The following MKRN3 variants were observed in gnomAD, a reference collection of about 807,000 sequenced individuals.
MKRN3 encodes makorin ring finger protein 3.
For synonymous variants in MKRN3, 301 were observed against 250.2 expected (o/e 1.20, Z -1.91); for missense variants, 749 against 667.0 (o/e 1.12, Z -1.35).
chr15:23,566,124 C>G lies in MKRN3; in HGVS notation c.342C>G (p.Asn114Lys). 2 of 1,614,200 alleles carry G rather than the reference C, an allele frequency of 1.2e-6. No individual in the cohort carries two copies. Among genetic ancestry groups the G allele is most frequent in the Non-Finnish European group, 1.7e-6 (2 of 1,180,032 alleles). Reference protein sequence around the residue: ...YIHGQCKEGENCRYSHDLSGR... With the variant: ...YIHGQCKEGEKCRYSHDLSGR... ...ATGGGCAGTGCAAGGAGGGGGAGAA[C>G]TGTCGCTATTCGCACGACCTTTCTG... The change falls in exon 1 of 1, where the codon AAC (asparagine) becomes AAG (lysine). Residue 114 changes from asparagine to lysine, a missense_variant. Coordinates refer to ENST00000314520, the MANE Select transcript of MKRN3 (RefSeq NM_005664.4).
rs1156853837 is a variant in MKRN3, at chr15:23,567,471, G to T, written c.*165G>T. ...CCCCCTAGGATTATGGTGATTATCT[G>T]TGTTAAAAAATAAGTCCTTAAAGTT... On this transcript the variant is annotated 3_prime_UTR_variant, in exon 1 of 1. Transcript: ENST00000314520. 56 of 1,441,188 alleles carry T rather than the reference G, an allele frequency of 3.9e-5. No individual in the cohort carries two copies. The highest frequency in any genetic ancestry group is 6.0e-5 in the Admixed American group (2 of 33,262). The allele number at this position is 1,441,188 out of a possible 1,614,324, so 89.3% of individuals were successfully genotyped here.
At position 23,567,556 on chromosome 15, in the gene MKRN3, G is replaced by A. The variant is rs746494082; in HGVS notation, c.*250G>A. On this transcript the variant is annotated 3_prime_UTR_variant, in exon 1 of 1. Coordinates refer to ENST00000314520, the MANE Select transcript of MKRN3 (RefSeq NM_005664.4). ...ATGGCTTTTTTTTGTCATCTCTGTT[G>A]TCAACAGGATTAACTCAGTTCTAGT... is the stretch of plus-strand genomic sequence containing the variant. 1.1e-5 allele frequency: 15 copies of A among 1,340,022 alleles called. 1 individual carries two copies. In the Middle Eastern group the frequency reaches 1.4e-3, roughly 123 times the overall value. The allele number at this position is 1,340,022 out of a possible 1,614,324, so 83.0% of individuals were successfully genotyped here. A position where few individuals can be genotyped will look rare whatever the true frequency, so the allele number is the denominator to read the frequency against.
chr15:23,567,408 G>C lies in MKRN3; in HGVS notation c.*102G>C, dbSNP rs571000963. The C allele has an allele frequency of 3.9e-6, 6 of 1,526,506 alleles. No homozygotes were observed. In the East Asian group the frequency reaches 1.4e-4, roughly 35 times the overall value. 94.6% of individuals were successfully genotyped at this position (1,526,506 alleles called of 1,614,324 possible). On this transcript the variant is annotated 3_prime_UTR_variant, in exon 1 of 1. Transcript: ENST00000314520. ...CTTACTGCTTTCAGGGGCTGTTGAG[G>C]CAGTGCTTCTGTTTTCTTGTCTATT...
Position 23,567,337 on chromosome 15 carries a change from T to C in MKRN3, c.*31T>C. ...TGCTGTGGCATGTGGTCTAGTCTGC[T>C]GAGGTTCTGTCGTCTGCTATTGCCT... On this transcript the variant is annotated 3_prime_UTR_variant, in exon 1 of 1. Coordinates refer to ENST00000314520, the MANE Select transcript of MKRN3 (RefSeq NM_005664.4). 6.2e-7 allele frequency: 1 copy of C among 1,604,858 alleles called. No homozygotes were observed. The highest frequency in any genetic ancestry group is 1.1e-5 in the South Asian group (1 of 89,572).
In MKRN3 at chr15:23,566,184, G is replaced by T; in HGVS notation, c.402G>T (p.Pro134=). 1 of 1,613,784 alleles carries T rather than the reference G, an allele frequency of 6.2e-7. No homozygotes were observed. Among genetic ancestry groups the T allele is most frequent in the Non-Finnish European group, 8.5e-7 (1 of 1,180,016 alleles). Residue 134 remains proline, a synonymous_variant, in exon 1 of 1, where the codon CCG becomes CCT. Coordinates refer to ENST00000314520, the MANE Select transcript of MKRN3 (RefSeq NM_005664.4). ...RKMATEGGVS[P]PGASAGGGPS... Reference sequence around the variant, plus strand: ...TGGCCACTGAGGGTGGCGTTTCGCCGCCTGGGGCCTCTGCAGGTGGAGGCC... The same window carrying T: ...TGGCCACTGAGGGTGGCGTTTCGCCTCCTGGGGCCTCTGCAGGTGGAGGCC...
Position 23,566,205 on chromosome 15 carries a change from A to G in MKRN3, c.423A>G (p.Gly141=). The change falls in exon 1 of 1, where the codon GGA becomes GGG. Residue 141 remains glycine, a synonymous_variant. Coordinates refer to ENST00000314520, the MANE Select transcript of MKRN3 (RefSeq NM_005664.4). ...GVSPPGASAG[G]GPSTAAHIEP... is the part of the protein sequence containing the mutation. The stretch of plus-strand genomic sequence containing the variant: ...CGCCGCCTGGGGCCTCTGCAGGTGG[A>G]GGCCCTAGCACGGCTGCGCACATCG... The G allele has an allele frequency of 1.2e-6, 2 of 1,613,704 alleles. No homozygotes were observed. Among genetic ancestry groups the G allele is most frequent in the Non-Finnish European group, 1.7e-6 (2 of 1,180,030 alleles).
Position 23,567,586 on chromosome 15 carries a change from T to A in MKRN3, c.*280T>A. 8.1e-7 allele frequency: 1 copy of A among 1,229,118 alleles called. No homozygotes were observed. Among genetic ancestry groups the A allele is most frequent in the Non-Finnish European group, 1.0e-6 (1 of 974,208 alleles). 76.1% of individuals were successfully genotyped at this position (1,229,118 alleles called of 1,614,324 possible). On this transcript the variant is annotated 3_prime_UTR_variant, in exon 1 of 1. Coordinates refer to ENST00000314520, the MANE Select transcript of MKRN3 (RefSeq NM_005664.4). Reference sequence around the variant, plus strand: ...CAGGATTAACTCAGTTCTAGTGTAGTGTTTACTGAATTTCCACACTTATTT... The same window carrying A: ...CAGGATTAACTCAGTTCTAGTGTAGAGTTTACTGAATTTCCACACTTATTT...
chr15:23,566,139 C>T lies in MKRN3; in HGVS notation c.357C>T (p.His119=), dbSNP rs199845546. The T allele has an allele frequency of 9.7e-5, 156 of 1,614,122 alleles. No individual in the cohort carries two copies. In the Admixed American group the frequency reaches 2.1e-3, roughly 22 times the overall value. Residue 119 remains histidine (H), a synonymous_variant, in exon 1 of 1, where the codon CAC becomes CAT. Transcript: ENST00000314520. ...AGGGGGAGAACTGTCGCTATTCGCACGACCTTTCTGGTCGGAAGATGGCCA... is the reference window on the plus strand; with the variant it reads ...AGGGGGAGAACTGTCGCTATTCGCATGACCTTTCTGGTCGGAAGATGGCCA... ...CKEGENCRYS[H]DLSGRKMATE...
In MKRN3 at chr15:23,566,129, G is replaced by T. The variant is rs745479517; in HGVS notation, c.347G>T (p.Arg116Leu). The part of the protein sequence containing the change: ...HGQCKEGENC[R>L]YSHDLSGRKM... ...CAGTGCAAGGAGGGGGAGAACTGTC[G>T]CTATTCGCACGACCTTTCTGGTCGG... is the stretch of plus-strand genomic sequence containing the variant. Residue 116 changes from arginine to leucine, a missense_variant, in exon 1 of 1, where the codon CGC becomes CTC. Physicochemically the swap from Arg to Leu is moderately radical, Grantham distance 102. Transcript: ENST00000314520. The T allele has an allele frequency of 6.2e-7, 1 of 1,614,140 alleles. No individual in the cohort carries two copies. The highest frequency in any genetic ancestry group is 1.3e-5 in the African/African-American group (1 of 75,074).
chr15:23,565,690 A>C lies in MKRN3; in HGVS notation c.-93A>C. The stretch of plus-strand genomic sequence containing the variant: ...AAGAGATGCACACTTCCCCCAGAGA[A>C]GCCTCCGAGCGCGGCCGCCATTCCG... On this transcript the variant is annotated 5_prime_UTR_variant, in exon 1 of 1. Transcript: ENST00000314520. 4 of 1,284,372 alleles carry C rather than the reference A, an allele frequency of 3.1e-6. No homozygotes were observed. The highest frequency in any genetic ancestry group is 4.2e-6 in the Non-Finnish European group (4 of 958,148). 79.6% of individuals were successfully genotyped at this position (1,284,372 alleles called of 1,614,324 possible).
Position 23,566,672 on chromosome 15 carries a change from T to C in MKRN3, c.890T>C (p.Met297Thr), listed in dbSNP as rs147605349. 34 of 1,614,096 alleles carry C rather than the reference T, an allele frequency of 2.1e-5. 2 individuals are homozygous for C. Among genetic ancestry groups the C allele is most frequent in the Middle Eastern group, 1.6e-4 (1 of 6,084 alleles). Residue 297 changes from methionine (M) to threonine (T), a missense_variant, in exon 1 of 1, where the codon ATG becomes ACG. Met to Thr is a moderately conservative substitution (Grantham distance 81). Coordinates refer to ENST00000314520, the MANE Select transcript of MKRN3 (RefSeq NM_005664.4). ...RACIEAHEKD[M>T]ELSFAVQRGM... ...TGCATTGAAGCACACGAGAAAGATA[T>C]GGAACTCTCGTTTGCTGTGCAGCGT...
At position 23,566,709 on chromosome 15, in the gene MKRN3, G is replaced by A; in HGVS notation, c.927G>A (p.Lys309=). 1 of 1,614,236 alleles carries A rather than the reference G, an allele frequency of 6.2e-7. No individual in the cohort carries two copies. The highest frequency in any genetic ancestry group is 2.2e-5 in the East Asian group (1 of 44,884). The part of the protein sequence containing the change: ...LSFAVQRGMD[K]VCGICMEVVY... ...TTGCTGTGCAGCGTGGTATGGACAAGGTGTGTGGCATCTGCATGGAGGTTG... is the reference window on the plus strand; with the variant it reads ...TTGCTGTGCAGCGTGGTATGGACAAAGTGTGTGGCATCTGCATGGAGGTTG... The change falls in exon 1 of 1, where the codon AAG becomes AAA. Residue 309 remains lysine (K), a synonymous_variant. Coordinates refer to ENST00000314520, the MANE Select transcript of MKRN3 (RefSeq NM_005664.4).
Position 23,567,653 on chromosome 15 carries a change from GTT to G in MKRN3, c.*350_*351del. 9.2e-7 allele frequency: 1 copy of G among 1,089,080 alleles called. No individual in the cohort carries two copies. Among genetic ancestry groups the G allele is most frequent in the Non-Finnish European group, 1.1e-6 (1 of 886,520 alleles). The allele number at this position is 1,089,080 out of a possible 1,614,324, so 67.5% of individuals were successfully genotyped here. The stretch of plus-strand genomic sequence containing the variant: ...TAAATGTGGCAGAGTGAAAGGAGAA[GTT>G]TTAATTGAACTAGTAGCTTTGTGCT... On this transcript the variant is annotated 3_prime_UTR_variant, in exon 1 of 1. Coordinates refer to ENST00000314520, the MANE Select transcript of MKRN3 (RefSeq NM_005664.4).
At position 23,566,706 on chromosome 15, in the gene MKRN3, C is replaced by G; in HGVS notation, c.924C>G (p.Asp308Glu). The G allele has an allele frequency of 6.2e-7, 1 of 1,614,226 alleles. No individual in the cohort carries two copies. Among genetic ancestry groups the G allele is most frequent in the South Asian group, 1.1e-5 (1 of 91,084 alleles). The change falls in exon 1 of 1, where the codon GAC (aspartate) becomes GAG (glutamate). Residue 308 changes from aspartate to glutamate, a missense_variant. By Grantham distance (45) the Asp-to-Glu change is conservative. Transcript: ENST00000314520. ...CGTTTGCTGTGCAGCGTGGTATGGA[C>G]AAGGTGTGTGGCATCTGCATGGAGG... ...ELSFAVQRGM[D>E]KVCGICMEVV... is the part of the protein sequence containing the mutation.
rs1051215179 is a variant in MKRN3, at chr15:23,567,791, G to A, written c.*485G>A. 2.2e-5 allele frequency: 22 copies of A among 1,001,294 alleles called. No homozygotes were observed. Among genetic ancestry groups the A allele is most frequent in the Admixed American group, 1.2e-4 (2 of 16,464 alleles). 62.0% of individuals were successfully genotyped at this position (1,001,294 alleles called of 1,614,324 possible). On this transcript the variant is annotated 3_prime_UTR_variant, in exon 1 of 1. Coordinates refer to ENST00000314520, the MANE Select transcript of MKRN3 (RefSeq NM_005664.4). ...TCAAGTGCACTTGTTAAACTGTGAT[G>A]AACTTGTGATTTTGTGTTTTACTTG...
rs1421032561 is a variant in MKRN3, at chr15:23,567,090, G to T, written c.1308G>T (p.Gly436=). 6.2e-7 allele frequency: 1 copy of T among 1,614,126 alleles called. No homozygotes were observed. Among genetic ancestry groups the T allele is most frequent in the Non-Finnish European group, 8.5e-7 (1 of 1,180,054 alleles). The change falls in exon 1 of 1, where the codon GGG becomes GGT. Residue 436 remains glycine, a synonymous_variant. Transcript: ENST00000314520. The part of the protein sequence containing the change: ...WGDEPPGPGG[G]SFSAYWHQLV... Reference sequence around the variant, plus strand: ...ATGAGCCTCCTGGGCCAGGTGGTGGGTCATTCAGCGCATACTGGCATCAAC... The same window carrying T: ...ATGAGCCTCCTGGGCCAGGTGGTGGTTCATTCAGCGCATACTGGCATCAAC...
rs1365804319 is a variant in MKRN3 at position 23,567,392 on chromosome 15, T to C, written c.*86T>C. On this transcript the variant is annotated 3_prime_UTR_variant, in exon 1 of 1. Coordinates refer to ENST00000314520, the MANE Select transcript of MKRN3 (RefSeq NM_005664.4). ...TCCCTGTGTTGACACTCTTACTGCT[T>C]TCAGGGGCTGTTGAGGCAGTGCTTC... 12 of 1,544,328 alleles carry C rather than the reference T, an allele frequency of 7.8e-6. No homozygotes were observed. Among genetic ancestry groups the C allele is most frequent in the Non-Finnish European group, 9.6e-6 (11 of 1,146,722 alleles).
rs202210422 is a variant in MKRN3, at chr15:23,566,154, G to A, written c.372G>A (p.Arg124=). 49 of 1,614,076 alleles carry A rather than the reference G, an allele frequency of 3.0e-5. No homozygotes were observed. The highest frequency in any genetic ancestry group is 1.7e-4 in the Middle Eastern group (1 of 6,056). ...GCTATTCGCACGACCTTTCTGGTCGGAAGATGGCCACTGAGGGTGGCGTTT... is the reference window on the plus strand; with the variant it reads ...GCTATTCGCACGACCTTTCTGGTCGAAAGATGGCCACTGAGGGTGGCGTTT... ...NCRYSHDLSG[R]KMATEGGVSP... is the part of the protein sequence containing the mutation. Residue 124 remains arginine, a synonymous_variant, in exon 1 of 1, where the codon CGG becomes CGA. Transcript: ENST00000314520.
chr15:23,567,361 C>G lies in MKRN3; in HGVS notation c.*55C>G. The G allele has an allele frequency of 6.3e-7, 1 of 1,580,954 alleles. No homozygotes were observed. The highest frequency in any genetic ancestry group is 2.2e-5 in the East Asian group (1 of 44,606). On this transcript the variant is annotated 3_prime_UTR_variant, in exon 1 of 1. Coordinates refer to ENST00000314520, the MANE Select transcript of MKRN3 (RefSeq NM_005664.4). ...CTGAGGTTCTGTCGTCTGCTATTGC[C>G]TGTTTTCCCTGTGTTGACACTCTTA...
Sources: gnomAD v4.1 joint callset for allele counts on GRCh38, gnomAD v4.1.1 for gene constraint, MANE v1.5 for transcripts, NCBI Gene and HGNC (gene_info 2026-07-23, HGNC 2026-07-21) for gene names.